The following ITGA5 variants were observed in gnomAD, a reference collection of about 807,000 sequenced individuals.
ITGA5 encodes the protein integrin subunit alpha 5.
A neutral mutation model predicts 146.3 loss-of-function variants in ITGA5; 55 were observed. That is an observed-to-expected ratio of 0.38 (90% CI 0.30 to 0.47). ITGA5 has a LOEUF of 0.47. ITGA5 is among the 20% of genes least tolerant of loss of function. The pLI is 0.99. For synonymous variants in ITGA5, 500 were observed against 531.8 expected (o/e 0.94, Z 0.82); for missense variants, 1,131 against 1,329.0 (o/e 0.85, Z 2.32).
chr12:54,414,085 C>G (rs899554308), intron 1 of ITGA5, among the ~76,000 whole-genome samples: 6 of 152,222 alleles, frequency 3.9e-5, no homozygotes, highest in African/African-American at 1.4e-4. Flanking sequence ...GTTCAGGATA[C>G]CTGGCATGCA....
chr12:54,397,340 A>C, intron 29 of ITGA5, 25 bp downstream of exon 29: 2 of 1,613,454 alleles, frequency 1.2e-6, no homozygotes, highest in Non-Finnish European at 1.7e-6. Context: ...GAGGGTGGCC[A>C]AGTCACAAGC....
At position 54,402,966 on chromosome 12, in the gene ITGA5, C is replaced by T; in HGVS notation, c.1982+17G>A. 1 of 1,611,646 alleles carries T rather than the reference C, an allele frequency of 6.2e-7. No homozygotes were observed. Among genetic ancestry groups the T allele is most frequent in the Non-Finnish European group, 8.5e-7 (1 of 1,177,762 alleles). ...GGTGCACCTGGAGCTCCCTAGCTTA[C>T]CGTCAGCCCTACTTACCCAAACACT... On this transcript the variant is annotated intron_variant, in intron 19 of 29. Coordinates refer to ENST00000293379, the MANE Select transcript of ITGA5 (RefSeq NM_002205.5).
Position 54,396,190 on chromosome 12 carries a change from C to G in ITGA5, c.*103G>C. On this transcript the variant is annotated 3_prime_UTR_variant, in exon 30 of 30. Coordinates refer to ENST00000293379, the MANE Select transcript of ITGA5 (RefSeq NM_002205.5). ...CTGGGCTGGGGAGAGGAGCTTCTCC[C>G]TGGCCGTCAGCACCTTCAAGAAGTA... The G allele has an allele frequency of 1.1e-6, 1 of 903,578 alleles. No individual in the cohort carries two copies. Among genetic ancestry groups the G allele is most frequent in the South Asian group, 1.5e-5 (1 of 67,918 alleles). The allele number at this position is 903,578 out of a possible 1,614,324, so 56.0% of individuals were successfully genotyped here.
intron 2 of ITGA5, among the ~76,000 whole-genome samples, chr12:54,410,010 CCA>C (rs1178935455): frequency 6.6e-6 from 1 of 152,090 alleles, no homozygotes; most frequent in Non-Finnish European, 1.5e-5. Flanking sequence ...GTGCGCGTCA[CCA>C]CACCTGGCTA....
chr12:54,404,913 A>C lies in ITGA5; in HGVS notation c.1226-19T>G. 6.5e-7 allele frequency: 1 copy of C among 1,531,614 alleles called. No individual in the cohort carries two copies. The highest frequency in any genetic ancestry group is 1.8e-4 in the Middle Eastern group (1 of 5,712). The allele number at this position is 1,531,614 out of a possible 1,614,324, so 94.9% of individuals were successfully genotyped here. ...GCCACATCTGGAAGACACAGAACAC[A>C]CACTAGTCAGCAGGCCAGGAATCCA... On this transcript the variant is annotated intron_variant, in intron 12 of 29. Transcript: ENST00000293379.
intron 2 of ITGA5, among the ~76,000 whole-genome samples, chr12:54,410,815 C>CTCCT (rs1461633600): frequency 6.6e-6 from 1 of 152,052 alleles, no homozygotes; most frequent in African/African-American, 2.4e-5. Flanking sequence ...CAATCTCTGC[C>CTCCT]TCCTGAGTTC....
At chr12:54,418,105 C>A (rs1413763286) in intron 1 of ITGA5, among the ~76,000 whole-genome samples, 1 of 152,144 alleles carries the variant, frequency 6.6e-6, no homozygotes, top group Non-Finnish European at 1.5e-5. Flanking sequence ...CCGACCCCAG[C>A]CCCAGAAGTC....
rs925454329 is a variant in ITGA5, at chr12:54,409,426, C to A, written c.462+59G>T. ...CTTCCTCCCTCCCTCCAGGCCCGGC[C>A]TTACCCAACCACTGCCCATCCCCTG... On this transcript the variant is annotated intron_variant, in intron 3 of 29. Transcript: ENST00000293379. This position sits in a 1 kb window ranked among gnomAD's most constrained non-coding sequence, Gnocchi z 4.7. 3.1e-6 allele frequency: 5 copies of A among 1,610,658 alleles called. No individual in the cohort carries two copies. The African/African-American group carries it at 6.7e-5, about 22-fold the overall frequency.
chr12:54,400,330 C>T (rs1275691665), intron 25 of ITGA5: 2 of 226,290 alleles, frequency 8.8e-6, no homozygotes, highest in Non-Finnish European at 1.8e-5. Context: ...AGTGTCCCTA[C>T]AGCTTATTAA....
In ITGA5 at chr12:54,403,762, G is replaced by C; in HGVS notation, c.1639C>G (p.Gln547Glu). 6.2e-7 allele frequency: 1 copy of C among 1,614,168 alleles called. No homozygotes were observed. The highest frequency in any genetic ancestry group is 8.5e-7 in the Non-Finnish European group (1 of 1,180,010). The change falls in exon 17 of 30, where the codon CAG becomes GAG. Residue 547 changes from glutamine to glutamate, a missense_variant. By Grantham distance (29) the Gln-to-Glu change is conservative. Around this residue, in one of 3 missense-constraint regions of ITGA5, gnomAD observed 889 missense variants for 1,021.5 expected, o/e 0.87. Coordinates refer to ENST00000293379, the MANE Select transcript of ITGA5 (RefSeq NM_002205.5). The surrounding 1 kb of genome is among the most constrained non-coding windows in gnomAD (Gnocchi z 4.9). ...ADSIGFTVEL[Q>E]LDWQKQKGGV... ...CCCTTCTGCTTCTGCCAGTCCAGCT[G>C]AAGTTCCACTGTGAAACCTGAAGCC... is the stretch of plus-strand genomic sequence containing the variant.
rs1360350167 is a variant in ITGA5 at position 54,403,713 on chromosome 12, A to G, written c.1688T>C (p.Leu563Pro). 1 of 1,614,044 alleles carries G rather than the reference A, an allele frequency of 6.2e-7. No individual in the cohort carries two copies. Among genetic ancestry groups the G allele is most frequent in the Non-Finnish European group, 8.5e-7 (1 of 1,180,038 alleles). ...QKGGVRRALF[L>P]ASRQATLTQT... is the part of the protein sequence containing the mutation. ...GGTCAGGGTTGCCTGCCTGGAGGCC[A>G]GGAACAGTGCCCGCCGTACCCCTCC... The change falls in exon 17 of 30, where the codon CTG becomes CCG. Residue 563 changes from leucine (L) to proline (P), a missense_variant. Coordinates refer to ENST00000293379, the MANE Select transcript of ITGA5 (RefSeq NM_002205.5). The surrounding 1 kb of genome is among the most constrained non-coding windows in gnomAD (Gnocchi z 4.9).
chr12:54,414,986 T>A (rs1955990005), intron 1 of ITGA5, among the ~76,000 whole-genome samples: 2 of 151,220 alleles, frequency 1.3e-5, no homozygotes, highest in Admixed American at 6.6e-5. Flanking sequence ...CCGTCTCTAC[T>A]AAAAATACAA....
chr12:54,409,166 A>G lies in ITGA5; in HGVS notation c.583+66T>C. On this transcript the variant is annotated intron_variant, in intron 4 of 29. Coordinates refer to ENST00000293379, the MANE Select transcript of ITGA5 (RefSeq NM_002205.5). The surrounding 1 kb of genome is among the most constrained non-coding windows in gnomAD (Gnocchi z 4.7). ...ACATGGTAGGTGCGAGTCAACCCTA[A>G]GTATGTGAGACACTTCAAGTATATG... is the stretch of plus-strand genomic sequence containing the variant. 1 of 1,568,172 alleles carries G rather than the reference A, an allele frequency of 6.4e-7. No individual in the cohort carries two copies. Among genetic ancestry groups the G allele is most frequent in the East Asian group, 2.2e-5 (1 of 44,696 alleles).
intron 19 of ITGA5, 152 bp from the exon 20 acceptor site, chr12:54,402,482 G>A (rs1008864497): frequency 1.6e-6 from 1 of 631,558 alleles, no homozygotes; most frequent in Non-Finnish European, 2.7e-6. Flanking sequence ...GGATCACGAG[G>A]TCAGGAGTTC....
At chr12:54,408,072 T>C (rs201446538) in intron 7 of ITGA5, 38 bp downstream of exon 7, 70 of 1,612,428 alleles carry the variant, frequency 4.3e-5, no homozygotes, top group Admixed American at 3.3e-5. Context: ...GCACTTGAGG[T>C]TCTCCCTCTG....
rs751920666 is a variant in ITGA5 at position 54,409,239 on chromosome 12, G to A, written c.576C>T (p.Cys192=). Residue 192 remains cysteine (C), a synonymous_variant, in exon 4 of 30, where the codon TGC becomes TGT. Coordinates refer to ENST00000293379, the MANE Select transcript of ITGA5 (RefSeq NM_002205.5). The surrounding 1 kb of genome is among the most constrained non-coding windows in gnomAD (Gnocchi z 4.7). ...GCCCCCTCTTGCCCCTACCTGAGCG[G>A]CAGGGTGCATACTCCAGAATTCGGG... ...NFTRILEYAP[C]RSDFSWAAGQ... 11 of 1,611,692 alleles carry A rather than the reference G, an allele frequency of 6.8e-6. No individual in the cohort carries two copies. In the Middle Eastern group the frequency reaches 4.9e-4, roughly 72 times the overall value.
In ITGA5 at chr12:54,401,574, C is replaced by A; in HGVS notation, c.2387+11G>T. Reference sequence around the variant, plus strand: ...CCCTCTCAGAAAGACCCCATTTTGCCTGGCACTGACCCGTTCAGGGTGACC... The same window carrying A: ...CCCTCTCAGAAAGACCCCATTTTGCATGGCACTGACCCGTTCAGGGTGACC... On this transcript the variant is annotated intron_variant, in intron 23 of 29. Transcript: ENST00000293379. This position sits in a 1 kb window ranked among gnomAD's most constrained non-coding sequence, Gnocchi z 5.0. 6.2e-7 allele frequency: 1 copy of A among 1,613,868 alleles called. No individual in the cohort carries two copies.
At position 54,403,172 on chromosome 12, in the gene ITGA5, C is replaced by A. The variant is rs2120502131; in HGVS notation, c.1914+15G>T. The A allele has an allele frequency of 1.3e-6, 2 of 1,569,890 alleles. No individual in the cohort carries two copies. Among genetic ancestry groups the A allele is most frequent in the Non-Finnish European group, 8.6e-7 (1 of 1,159,182 alleles). ...CTCTGTCTTCCCAGGTCCCTTCTCC[C>A]TGCCCTGTCCTCACCTTGTCCTCTA... is the stretch of plus-strand genomic sequence containing the variant. On this transcript the variant is annotated intron_variant, in intron 18 of 29. Coordinates refer to ENST00000293379, the MANE Select transcript of ITGA5 (RefSeq NM_002205.5). This position sits in a 1 kb window ranked among gnomAD's most constrained non-coding sequence, Gnocchi z 4.9.
rs1223722215 is a variant in ITGA5 at position 54,403,511 on chromosome 12, A to C, written c.1776+114T>G. The C allele has an allele frequency of 7.5e-7, 1 of 1,341,470 alleles. No homozygotes were observed. The highest frequency in any genetic ancestry group is 2.3e-5 in the East Asian group (1 of 42,900). 83.1% of individuals were successfully genotyped at this position (1,341,470 alleles called of 1,614,324 possible). A position where few individuals can be genotyped will look rare whatever the true frequency, so the allele number is the denominator to read the frequency against. On this transcript the variant is annotated intron_variant, in intron 17 of 29. Coordinates refer to ENST00000293379, the MANE Select transcript of ITGA5 (RefSeq NM_002205.5). This position sits in a 1 kb window ranked among gnomAD's most constrained non-coding sequence, Gnocchi z 4.9. ...AAGGTCTCCCTTTCTCAGCCCCTAC[A>C]AGAGTCCCAAGCCCTTCACTGGAGT...
Sources: gnomAD v4.1 joint callset for allele counts (sites outside exome capture counted in the v4.1 genomes callset) on GRCh38, gnomAD v4.1.1 for gene constraint, gnomAD v4.1.1 regional missense constraint, Gnocchi (gnomAD v3.1) non-coding constraint, MANE v1.5 for transcripts, NCBI Gene and HGNC (gene_info 2026-07-23, HGNC 2026-07-21) for gene names.